The following HTR1D variants were observed in gnomAD, a reference collection of about 807,000 sequenced individuals.
HTR1D encodes the protein 5-HT-1D.
In HTR1D, 18 loss-of-function variants were observed where a neutral mutation model predicts 21.1. The ratio of observed to expected loss-of-function variants is 0.85; its 90% CI spans 0.59 to 1.27. The LOEUF (loss-of-function observed/expected upper bound fraction) is 1.27, where lower values mean the gene tolerates loss of function less well. Ranked by LOEUF, HTR1D falls within the 50% of genes most tolerant of loss-of-function variation. HTR1D has a pLI of 0.00. For missense variants in HTR1D, 456 were observed against 481.4 expected (o/e 0.95, Z 0.49); for synonymous variants, 196 against 204.4 (o/e 0.96, Z 0.35).
intron 1 of HTR1D, among the ~76,000 whole-genome samples, chr1:23,207,864 C>G (rs902476233): frequency 1.3e-5 from 2 of 149,752 alleles, no homozygotes; most frequent in Non-Finnish European, 3.0e-5. Flanking sequence ...CAGGGTCAAG[C>G]AATTCTCCTG....
At chr1:23,210,325 G>A (rs774920336) in intron 1 of HTR1D, among the ~76,000 whole-genome samples, 69 of 152,176 alleles carry the variant, frequency 4.5e-4, no homozygotes, top group Admixed American at 7.2e-4. Context: ...TGATTCACTC[G>A]CCTCAACCTC....
intron 1 of HTR1D, among the ~76,000 whole-genome samples, chr1:23,208,668 C>T (rs10917357): frequency 0.49 from 74,825 of 151,682 alleles, 19,192 homozygotes; most frequent in African/African-American, 0.64. Context: ...CTGCTCCTAT[C>T]ATTACTAACT....
At chr1:23,202,192 G>A (rs1437441349) in intron 1 of HTR1D, among the ~76,000 whole-genome samples, 2 of 151,920 alleles carry the variant, frequency 1.3e-5, no homozygotes, top group African/African-American at 4.8e-5. Flanking sequence ...TGCCTCCCAG[G>A]TTCAACCTAT....
rs1308506824 is a variant in HTR1D, at chr1:23,198,381, AAAAAAAGTGTAGAGC to A, written c.-782-3395_-782-3381del. ...ACTCCGTCTCAAAAAAAAAAAAAAA[AAAAAAAGTGTAGAGC>A]AATTTTCTACCACTAGTAGAGTAAA... On this transcript the variant is annotated intron_variant, in intron 1 of 1. Coordinates refer to ENST00000374619, the MANE Select transcript of HTR1D (RefSeq NM_000864.5). 9.2e-5 allele frequency among the ~76,000 whole-genome samples: 14 copies of A among 151,648 alleles called. No individual in the cohort carries two copies. The East Asian group carries it at 1.9e-3, about 21-fold the overall frequency.
At chr1:23,213,340 C>T (rs188544144) in intron 1 of HTR1D, among the ~76,000 whole-genome samples, 15 of 152,166 alleles carry the variant, frequency 9.9e-5, no homozygotes, top group Admixed American at 3.9e-4. Flanking sequence ...ATTAGCTGTG[C>T]GTGGTGGTGT....
In HTR1D at chr1:23,193,069, G is replaced by C. The variant is rs200594681; in HGVS notation, c.*17C>G. On this transcript the variant is annotated 3_prime_UTR_variant, in exon 2 of 2. Transcript: ENST00000374619. ...TTACAGGACACAAAAGATAACAAGA[G>C]TCATCACCGAATAAGACTAGGAGGC... 402 of 1,547,686 alleles carry C rather than the reference G, an allele frequency of 2.6e-4. 4 individuals are homozygous for C. The East Asian group carries it at 7.3e-3, about 28-fold the overall frequency.
rs77590981 is a variant in HTR1D at position 23,194,094 on chromosome 1, G to A, written c.126C>T (p.Ala42=). The change falls in exon 2 of 2, where the codon GCC becomes GCT. Residue 42 remains alanine, a synonymous_variant. Coordinates refer to ENST00000374619, the MANE Select transcript of HTR1D (RefSeq NM_000864.5). ...CCAGTGTGATGACGGAAAGGACCAC[G>A]GCAAGGGAGATCTTGAGCGCCTGGA... is the stretch of plus-strand genomic sequence containing the variant. The part of the protein sequence containing the change: ...RTLQALKISL[A]VVLSVITLAT... The A allele has an allele frequency of 1.7e-4, 282 of 1,614,144 alleles. No homozygotes were observed. In the African/African-American group the frequency reaches 2.9e-3, roughly 16 times the overall value.
At chr1:23,202,021 G>A (rs1349077715) in intron 1 of HTR1D, among the ~76,000 whole-genome samples, 1 of 152,070 alleles carries the variant, frequency 6.6e-6, no homozygotes, top group African/African-American at 2.4e-5. Context: ...CTAGCACAGT[G>A]GCTGGCACAC....
chr1:23,205,950 G>A (rs1392691187), intron 1 of HTR1D, among the ~76,000 whole-genome samples: 1 of 152,092 alleles, frequency 6.6e-6, no homozygotes, highest in Non-Finnish European at 1.5e-5. Context: ...TGTTTCAGGA[G>A]AGTGAAACCA....
chr1:23,193,935 G>A lies in HTR1D; in HGVS notation c.285C>T (p.Ser95=). ...AGGTGTGGGTGATGGTATAGGCGAT[G>A]CTGATGGGCATTACCAAGATGGAAA... The part of the protein sequence containing the change: ...LLVSILVMPI[S]IAYTITHTWN... The change falls in exon 2 of 2, where the codon AGC becomes AGT. Residue 95 remains serine, a synonymous_variant. Coordinates refer to ENST00000374619, the MANE Select transcript of HTR1D (RefSeq NM_000864.5). 3 of 1,614,222 alleles carry A rather than the reference G, an allele frequency of 1.9e-6. No homozygotes were observed. The highest frequency in any genetic ancestry group is 1.7e-6 in the Non-Finnish European group (2 of 1,180,048).
intron 1 of HTR1D, among the ~76,000 whole-genome samples, chr1:23,198,873 A>G (rs960095003): frequency 1.3e-5 from 2 of 152,218 alleles, no homozygotes; most frequent in African/African-American, 4.8e-5. Context: ...GGAAGAAGGA[A>G]TATAATCATA....
intron 1 of HTR1D, among the ~76,000 whole-genome samples, chr1:23,208,718 C>T (rs553031931): frequency 2.0e-4 from 30 of 152,136 alleles, no homozygotes; most frequent in African/African-American, 6.3e-4. Flanking sequence ...ATTTTACAGA[C>T]GAAGAAACTG....
intron 1 of HTR1D, among the ~76,000 whole-genome samples, chr1:23,209,013 T>A (rs1644743053): frequency 6.6e-6 from 1 of 151,390 alleles, no homozygotes; most frequent in Non-Finnish European, 1.5e-5. Flanking sequence ...TTTTTTTTTT[T>A]TTGAGACAGT....
chr1:23,217,288 T>C lies in HTR1D; in HGVS notation c.-783+3A>G, dbSNP rs545680847. ...GGCTGCAGACGCGGCCCCGAGAGCT[T>C]ACCCGCTGCCCGGCGGGCAGGTGCG... On this transcript the variant is annotated splice_donor_region_variant and intron_variant, in intron 1 of 1. Transcript: ENST00000374619. The surrounding 1 kb of genome is among the most constrained non-coding windows in gnomAD (Gnocchi z 4.6). Among the ~76,000 whole-genome samples the C allele has an allele frequency of 4.2e-3, 638 of 151,572 alleles. 9 individuals carry two copies. The highest frequency in any genetic ancestry group is 0.015 in the African/African-American group (601 of 41,366).
At position 23,193,490 on chromosome 1, in the gene HTR1D, G is replaced by A. The variant is rs1436064696; in HGVS notation, c.730C>T (p.Leu244Phe). 6 of 1,613,970 alleles carry A rather than the reference G, an allele frequency of 3.7e-6. No homozygotes were observed. In the South Asian group the frequency reaches 4.4e-5, roughly 12 times the overall value. The part of the protein sequence containing the change: ...LYGKRFTTAH[L>F]ITGSAGSSLC... The stretch of plus-strand genomic sequence containing the variant: ...GAGGACCCGGCAGAGCCTGTGATGA[G>A]GTGGGCCGTGGTGAAGCGCTTCCCA... The change falls in exon 2 of 2, where the codon CTC becomes TTC. Residue 244 changes from leucine (L) to phenylalanine (F), a missense_variant. Leu to Phe is a conservative substitution (Grantham distance 22). Transcript: ENST00000374619.
chr1:23,197,679 A>G (rs1420793448), intron 1 of HTR1D, among the ~76,000 whole-genome samples: 1 of 151,164 alleles, frequency 6.6e-6, no homozygotes, highest in East Asian at 2.0e-4. Flanking sequence ...CCAAGATTGC[A>G]CCATTGCACT....
chr1:23,206,689 C>T (rs561943968), intron 1 of HTR1D, among the ~76,000 whole-genome samples: 34 of 152,246 alleles, frequency 2.2e-4, no homozygotes, highest in Admixed American at 1.6e-3. Flanking sequence ...TCTGGTGTCT[C>T]CCCAGGAAGC....
Position 23,197,593 on chromosome 1 carries a change from G to A in HTR1D, c.-782-2592C>T, listed in dbSNP as rs535983511. On this transcript the variant is annotated intron_variant, in intron 1 of 1. Transcript: ENST00000374619. The stretch of plus-strand genomic sequence containing the variant: ...TAAAATGCAAAAATTAGCTGGGCAT[G>A]GTGGTGGGCACCCAGCTACTCGGGA... Among the ~76,000 whole-genome samples the A allele has an allele frequency of 2.6e-5, 4 of 152,046 alleles. 1 individual carries two copies. The highest frequency in any genetic ancestry group is 9.7e-5 in the African/African-American group (4 of 41,450).
At chr1:23,208,564 C>G (rs1200866352) in intron 1 of HTR1D, among the ~76,000 whole-genome samples, 1 of 151,022 alleles carries the variant, frequency 6.6e-6, no homozygotes, top group Non-Finnish European at 1.5e-5. Context: ...AGAGCGAAAC[C>G]CCATCTCAAA....
Sources: gnomAD v4.1 joint callset for allele counts (sites outside exome capture counted in the v4.1 genomes callset) on GRCh38, gnomAD v4.1.1 for gene constraint, Gnocchi (gnomAD v3.1) non-coding constraint, MANE v1.5 for transcripts, NCBI Gene and HGNC (gene_info 2026-07-23, HGNC 2026-07-21) for gene names.